The following LARGE1 variants were observed in gnomAD, a reference collection of about 807,000 sequenced individuals.
LARGE1 encodes LARGE xylosyl- and glucuronyltransferase 1, also known as xylosyl- and glucuronyltransferase LARGE1.
LARGE1 carries 43 observed loss-of-function variants against 87.6 expected under a neutral mutation model. The ratio of observed to expected loss-of-function variants is 0.49; its 90% CI spans 0.38 to 0.63. LARGE1 has a LOEUF of 0.63. LARGE1 is among the 30% of genes least tolerant of loss of function. The probability of loss-of-function intolerance (pLI) is 0.00; values close to 1 mark genes in which losing one functional copy is unlikely to be tolerated. For missense variants in LARGE1, 802 were observed against 1,000.2 expected, an observed-to-expected ratio of 0.80 and a Z score of 2.67; for synonymous variants, 434 against 394.6, an observed-to-expected ratio of 1.10 and a Z score of -1.18.
At chr22:33,786,350 G>C (rs373245017) in intron 1 of LARGE1, among the ~76,000 whole-genome samples, 1 of 152,192 alleles carries the variant, frequency 6.6e-6, no homozygotes, top group African/African-American at 2.4e-5. Flanking sequence ...AGCTATCAAA[G>C]TGAGATTCAA....
chr22:33,370,724 T>G (rs991571590), intron 9 of LARGE1, among the ~76,000 whole-genome samples: 4 of 151,436 alleles, frequency 2.6e-5, no homozygotes, highest in African/African-American at 9.7e-5. Flanking sequence ...AAGTAAAATC[T>G]GGAATAGGTG....
chr22:33,733,959 A>T (rs746036130), intron 2 of LARGE1, among the ~76,000 whole-genome samples: 4 of 152,162 alleles, frequency 2.6e-5, no homozygotes, highest in Non-Finnish European at 5.9e-5. Flanking sequence ...ACTGCCTCAC[A>T]GTTTTAGAGG....
At chr22:33,269,830 C>T (rs963756615), downstream of LARGE1, among the ~76,000 whole-genome samples, 7 of 151,866 alleles carry the variant, frequency 4.6e-5, no homozygotes, top group Admixed American at 6.6e-5. Context: ...ACGGTGAAAC[C>T]CTGTCTCTAC....
At chr22:33,799,447 C>CT (rs202058120) in intron 1 of LARGE1, among the ~76,000 whole-genome samples, 2,504 of 128,820 alleles carry the variant, frequency 0.019, 57 homozygotes, top group African/African-American at 0.063. Context: ...TAAGAAACTT[C>CT]TTTTTTTTTT....
chr22:33,421,300 T>C (rs1303051398), intron 7 of LARGE1, among the ~76,000 whole-genome samples: 1 of 152,172 alleles, frequency 6.6e-6, no homozygotes, highest in African/African-American at 2.4e-5. Flanking sequence ...CACTGTCCCA[T>C]GCACTTTGAA....
chr22:33,737,571 C>T (rs911297957), intron 2 of LARGE1: 1 of 152,296 alleles, frequency 6.6e-6, no homozygotes, highest in African/African-American at 2.4e-5. Flanking sequence ...CAGGACATAT[C>T]ACACACCAAC....
intron 6 of LARGE1, among the ~76,000 whole-genome samples, chr22:33,511,020 A>G (rs1447453452): frequency 6.6e-6 from 1 of 152,166 alleles, no homozygotes; most frequent in Non-Finnish European, 1.5e-5. Context: ...GTGCCGATAC[A>G]GTTCTGTATT....
chr22:33,464,125 G>A (rs2068492784), intron 6 of LARGE1, among the ~76,000 whole-genome samples: 1 of 151,964 alleles, frequency 6.6e-6, no homozygotes, highest in Admixed American at 6.6e-5. Context: ...AACAACCAAT[G>A]GAACTTATTC....
intron 9 of LARGE1, among the ~76,000 whole-genome samples, chr22:33,349,354 AG>A: frequency 6.6e-6 from 1 of 152,212 alleles, no homozygotes; most frequent in African/African-American, 2.4e-5. Context: ...AATCTAATAT[AG>A]GTGTTCACCA....
At chr22:33,639,955 T>A (rs2080378870) in intron 3 of LARGE1, among the ~76,000 whole-genome samples, 1 of 152,202 alleles carries the variant, frequency 6.6e-6, no homozygotes, top group South Asian at 2.1e-4. Context: ...GTTGTTCCTA[T>A]CACCAGATAG....
chr22:33,645,842 G>C (rs927058149), intron 3 of LARGE1, among the ~76,000 whole-genome samples: 2 of 152,090 alleles, frequency 1.3e-5, no homozygotes, highest in Non-Finnish European at 2.9e-5. Context: ...ATGAAGAAAA[G>C]CTCAGCATCA....
the LARGE1 span, among the ~76,000 whole-genome samples, chr22:33,138,693 C>T: frequency 6.6e-6 from 1 of 152,160 alleles, no homozygotes; most frequent in African/African-American, 2.4e-5. Flanking sequence ...ATCTGCCCAC[C>T]TCGGCCTCCG....
In LARGE1 at chr22:33,237,040, A is replaced by G. The variant is rs190512233; in HGVS notation, c.1730+67189T>C. 9.4e-4 allele frequency among the ~76,000 whole-genome samples: 143 copies of G among 152,310 alleles called. 1 individual carries two copies. Among genetic ancestry groups the G allele is most frequent in the Admixed American group, 2.9e-3 (44 of 15,304 alleles). ...AGATCATCAGCGTGGTTAGAATTGG[A>G]CCATAATGGTGTTTTAGTCCAACTC... On this transcript the variant is annotated intron_variant, in intron 11 of 11. Coordinates refer to the LARGE1 transcript ENST00000608642.
At chr22:33,283,475 A>G in intron 12 of LARGE1, 127 bp from the exon 13 acceptor site, 1 of 1,047,040 alleles carries the variant, frequency 9.6e-7, no homozygotes, top group Non-Finnish European at 1.5e-6. Context: ...CATCCTCTCA[A>G]TTAAAGATGG....
chr22:33,463,981 G>T (rs575351687), intron 6 of LARGE1, among the ~76,000 whole-genome samples: 4 of 152,034 alleles, frequency 2.6e-5, no homozygotes, highest in African/African-American at 9.7e-5. Flanking sequence ...TTTTATTTAC[G>T]TTTTTAATAG....
At chr22:33,284,030 T>A (rs1262240118) in intron 12 of LARGE1, among the ~76,000 whole-genome samples, 1 of 152,160 alleles carries the variant, frequency 6.6e-6, no homozygotes, top group South Asian at 2.1e-4. Context: ...TGGGATCTGC[T>A]GTCCCCGAGA....
chr22:33,864,695 T>A (rs537291580), intron 1 of LARGE1, among the ~76,000 whole-genome samples: 1 of 152,304 alleles, frequency 6.6e-6, no homozygotes, highest in South Asian at 2.1e-4. Context: ...GCTGCATCAC[T>A]GCCTTGAGAC....
chr22:33,657,834 C>A (rs1266059506), intron 2 of LARGE1, among the ~76,000 whole-genome samples: 5 of 152,182 alleles, frequency 3.3e-5, no homozygotes, highest in African/African-American at 1.2e-4. Flanking sequence ...TTGGTCAGTT[C>A]CCCCTGAGTA....
the LARGE1 span, among the ~76,000 whole-genome samples, chr22:33,086,549 C>CTT: frequency 1.6e-3 from 173 of 108,418 alleles, no homozygotes; most frequent in Middle Eastern, 6.0e-3. Flanking sequence ...AGTTCTTCTA[C>CTT]TTTTTTTTTT....
Sources: gnomAD v4.1 joint callset for allele counts (sites outside exome capture counted in the v4.1 genomes callset) on GRCh38, gnomAD v4.1.1 for gene constraint, MANE v1.5 for transcripts, NCBI Gene and HGNC (gene_info 2026-07-23, HGNC 2026-07-21) for gene names.